GFOD1: variants seen among roughly 807,000 people sequenced by gnomAD.
GFOD1 encodes the protein Gfo/Idh/MocA-like oxidoreductase domain containing 1.
In GFOD1, 9 loss-of-function variants were observed where a neutral mutation model predicts 25.4. The ratio of observed to expected loss-of-function variants is 0.35; its 90% CI spans 0.21 to 0.62. The LOEUF (loss-of-function observed/expected upper bound fraction) is 0.62, where lower values mean the gene tolerates loss of function less well. Ranked by LOEUF, GFOD1 falls within the 20% of genes least tolerant of loss-of-function variation. The pLI is 0.72. For synonymous variants in GFOD1, 253 were observed against 245.6 expected (o/e 1.03, Z -0.28); for missense variants, 403 against 556.9 (o/e 0.72, Z 2.78).
At chr6:13,379,723 G>C (rs1299517441) in intron 1 of GFOD1, among the ~76,000 whole-genome samples, 10 of 152,224 alleles carry the variant, frequency 6.6e-5, no homozygotes, top group African/African-American at 1.9e-4. Context: ...GGTAGTTTCT[G>C]TTGTTGGCAA....
chr6:13,417,833 T>C (rs1293529486), intron 1 of GFOD1, among the ~76,000 whole-genome samples: 1 of 152,230 alleles, frequency 6.6e-6, no homozygotes, highest in Non-Finnish European at 1.5e-5. Context: ...AATGCATGTC[T>C]GGGTTCAGAA....
intron 1 of GFOD1, chr6:13,469,432 T>C (rs1419178703): frequency 1.0e-6 from 1 of 987,038 alleles, no homozygotes; most frequent in African/African-American, 1.7e-5. Flanking sequence ...GTTATGGAAT[T>C]AGATGATGCA....
chr6:13,457,613 TTATTGATAGAGACCGGG>T (rs1280891118), intron 1 of GFOD1, among the ~76,000 whole-genome samples: 2 of 152,206 alleles, frequency 1.3e-5, no homozygotes, highest in African/African-American at 4.8e-5. Flanking sequence ...GCATGACTGA[TTATTGATAGAGACCGGG>T]TATTTCCCTC....
chr6:13,441,585 C>G (rs1480248331), intron 1 of GFOD1, among the ~76,000 whole-genome samples: 1 of 152,164 alleles, frequency 6.6e-6, no homozygotes, highest in Non-Finnish European at 1.5e-5. Context: ...CTCCCTTCAT[C>G]AATACGTTCT....
At chr6:13,455,868 A>G (rs899933458) in intron 1 of GFOD1, among the ~76,000 whole-genome samples, 1 of 152,184 alleles carries the variant, frequency 6.6e-6, no homozygotes, top group Non-Finnish European at 1.5e-5. Flanking sequence ...ACAGTTTAAC[A>G]CTGGCCTCGT....
chr6:13,471,694 A>G (rs1202809093), intron 1 of GFOD1, among the ~76,000 whole-genome samples: 1 of 152,234 alleles, frequency 6.6e-6, no homozygotes, highest in Non-Finnish European at 1.5e-5. Context: ...GAGAAAATGA[A>G]ACACACCCAC....
At chr6:13,476,472 G>A (rs1758626359) in intron 1 of GFOD1, among the ~76,000 whole-genome samples, 1 of 152,140 alleles carries the variant, frequency 6.6e-6, no homozygotes. Flanking sequence ...ATTGGCATGA[G>A]GAAATGTTTT....
At chr6:13,478,162 G>T (rs1758669933) in intron 1 of GFOD1, among the ~76,000 whole-genome samples, 1 of 151,902 alleles carries the variant, frequency 6.6e-6, no homozygotes, top group African/African-American at 2.4e-5. Context: ...TTGAGACAGA[G>T]TTTTTTTCAT....
chr6:13,433,373 C>T (rs1757782925), intron 1 of GFOD1, among the ~76,000 whole-genome samples: 1 of 152,198 alleles, frequency 6.6e-6, no homozygotes, highest in Non-Finnish European at 1.5e-5. Context: ...CCTGCCTTGG[C>T]CTCCCAAAGT....
chr6:13,460,091 G>A (rs969944027), intron 1 of GFOD1, among the ~76,000 whole-genome samples: 1 of 152,180 alleles, frequency 6.6e-6, no homozygotes, highest in African/African-American at 2.4e-5. Context: ...CCGAGATCGC[G>A]CCACTGCACT....
intron 1 of GFOD1, among the ~76,000 whole-genome samples, chr6:13,404,847 T>C (rs766997609): frequency 2.8e-4 from 43 of 152,350 alleles, no homozygotes; most frequent in African/African-American, 5.5e-4. Context: ...AAGAATAACA[T>C]GCTAGAGTCC....
chr6:13,364,554 GC>G lies in GFOD1; in HGVS notation c.*188del, dbSNP rs1785001525. On this transcript the variant is annotated 3_prime_UTR_variant, in exon 2 of 2. Coordinates refer to ENST00000379287, the MANE Select transcript of GFOD1 (RefSeq NM_018988.4). This position sits in a 1 kb window ranked among gnomAD's most constrained non-coding sequence, Gnocchi z 4.1. ...TGAATGCTTCCAGGCTAGGAGCTCA[GC>G]CCACCAACAGTCTGGTTTGGGGTCG... is the stretch of plus-strand genomic sequence containing the variant. The G allele has an allele frequency of 1.7e-5, 10 of 596,334 alleles. No individual in the cohort carries two copies. The highest frequency in any genetic ancestry group is 4.5e-4 in the Middle Eastern group (1 of 2,246). 36.9% of individuals were successfully genotyped at this position (596,334 alleles called of 1,614,324 possible).
chr6:13,455,485 T>C (rs1562224313), intron 1 of GFOD1, among the ~76,000 whole-genome samples: 1 of 152,116 alleles, frequency 6.6e-6, no homozygotes, highest in African/African-American at 2.4e-5. Context: ...CAGGTTATTC[T>C]AAAGAGAAAA....
At position 13,409,125 on chromosome 6, in the gene GFOD1, GA is replaced by G. The variant is rs1389616203; in HGVS notation, c.254-43464del. 1.7e-3 allele frequency among the ~76,000 whole-genome samples: 83 copies of G among 49,238 alleles called. 12 individuals are homozygous for G. Among genetic ancestry groups the G allele is most frequent in the Non-Finnish European group, 3.6e-3 (64 of 17,714 alleles). 32.3% of individuals were successfully genotyped at this position (49,238 alleles called of 152,430 possible). A position where few individuals can be genotyped will look rare whatever the true frequency, so the allele number is the denominator to read the frequency against. On this transcript the variant is annotated intron_variant, in intron 1 of 1. Coordinates refer to ENST00000379287, the MANE Select transcript of GFOD1 (RefSeq NM_018988.4). ...AGAAAGAAAGAAAGAAAGAAAGAAA[GA>G]AAGAAAGAAAGAAAGAAAGAAAGAG...
chr6:13,369,424 G>A (rs373089888), intron 1 of GFOD1, among the ~76,000 whole-genome samples: 24 of 152,216 alleles, frequency 1.6e-4, no homozygotes, highest in African/African-American at 5.1e-4. Context: ...GTGGCTTCAC[G>A]CCCATAATTC....
intron 1 of GFOD1, among the ~76,000 whole-genome samples, chr6:13,434,771 A>G (rs551863330): frequency 1.3e-5 from 2 of 152,374 alleles, no homozygotes; most frequent in East Asian, 3.9e-4. Flanking sequence ...GACAGTAAAT[A>G]GAAGCATAGT....
At chr6:13,436,525 T>C (rs1222555376) in intron 1 of GFOD1, among the ~76,000 whole-genome samples, 1 of 152,254 alleles carries the variant, frequency 6.6e-6, no homozygotes, top group Non-Finnish European at 1.5e-5. Context: ...ATCTAAATTA[T>C]GGTTTTATAG....
intron 1 of GFOD1, among the ~76,000 whole-genome samples, chr6:13,378,275 T>C (rs953414072): frequency 6.6e-6 from 1 of 152,120 alleles, no homozygotes; most frequent in Non-Finnish European, 1.5e-5. Context: ...GAATGGGGGA[T>C]AGGATGAAAC....
intron 1 of GFOD1, among the ~76,000 whole-genome samples, chr6:13,421,104 T>C (rs1786248893): frequency 6.6e-6 from 1 of 152,156 alleles, no homozygotes; most frequent in African/African-American, 2.4e-5. Context: ...TTTTGAATAA[T>C]TAAAGAGAGT....
Sources: allele counts gnomAD v4.1 joint callset (sites outside exome capture counted in the v4.1 genomes callset), GRCh38; gene constraint gnomAD v4.1.1; non-coding constraint Gnocchi (gnomAD v3.1); transcripts MANE v1.5; gene names NCBI Gene and HGNC (gene_info 2026-07-23, HGNC 2026-07-21).